Variants in SGCD observed in about 807,000 individuals in gnomAD.
SGCD encodes the protein sarcoglycan delta, also known as delta-sarcoglycan.
Under a neutral mutation model 36.6 loss-of-function variants are expected in SGCD, and 18 were observed. The observed-to-expected ratio is 0.49, with a 90% confidence interval of 0.34 to 0.73. The LOEUF (loss-of-function observed/expected upper bound fraction) is 0.73, where lower values mean the gene tolerates loss of function less well. Among genes scored for constraint, SGCD ranks in the 30% least tolerant of loss-of-function variants. The probability of loss-of-function intolerance (pLI) is 0.01; values close to 1 mark genes in which losing one functional copy is unlikely to be tolerated. For synonymous variants in SGCD, 133 were observed against 130.6 expected, an observed-to-expected ratio of 1.02 and a Z score of -0.12; for missense variants, 387 against 346.7, an observed-to-expected ratio of 1.12 and a Z score of -0.92.
chr5:156,163,409 TG>T (rs1282247639), intron 3 of SGCD, among the ~76,000 whole-genome samples: 1 of 151,512 alleles, frequency 6.6e-6, no homozygotes, highest in South Asian at 2.1e-4. Context: ...TGATGTACTT[TG>T]TCTCAAAGTC....
chr5:156,293,367 TG>T (rs1766810411), intron 3 of SGCD, among the ~76,000 whole-genome samples: 1 of 152,186 alleles, frequency 6.6e-6, no homozygotes, highest in Non-Finnish European at 1.5e-5. Flanking sequence ...CCTTTGCCTT[TG>T]GTGTCATATC....
chr5:156,279,283 T>G (rs575263888), intron 3 of SGCD, among the ~76,000 whole-genome samples: 2 of 152,278 alleles, frequency 1.3e-5, no homozygotes, highest in African/African-American at 4.8e-5. Context: ...ACTATAAAAT[T>G]TACATGTGAC....
the SGCD span, among the ~76,000 whole-genome samples, chr5:155,786,398 G>A: frequency 6.6e-6 from 1 of 152,112 alleles, no homozygotes; most frequent in Non-Finnish European, 1.5e-5. Context: ...CATCTCTTCT[G>A]CAGAAACATC....
At chr5:156,516,504 A>T (rs1014377595) in intron 4 of SGCD, among the ~76,000 whole-genome samples, 2 of 152,184 alleles carry the variant, frequency 1.3e-5, no homozygotes, top group Admixed American at 1.3e-4. Context: ...ACAAAACCCT[A>T]TCCAAAGGTC....
At chr5:156,022,108 A>G (rs1015601490) in intron 1 of SGCD, among the ~76,000 whole-genome samples, 1 of 152,142 alleles carries the variant, frequency 6.6e-6, no homozygotes, top group African/African-American at 2.4e-5. Flanking sequence ...TGAACATTTC[A>G]TATAAATAGT....
chr5:156,410,606 C>T (rs866984744), intron 3 of SGCD, among the ~76,000 whole-genome samples: 5 of 152,330 alleles, frequency 3.3e-5, no homozygotes, highest in African/African-American at 1.2e-4. Context: ...TAGCATAGTG[C>T]CTGCTACAGA....
At position 156,662,902 on chromosome 5, in the gene SGCD, C is replaced by A. The variant is rs889407589; in HGVS notation, c.575+15366C>A. Among the ~76,000 whole-genome samples the A allele has an allele frequency of 4.2e-4, 63 of 150,476 alleles. 1 individual carries two copies. The highest frequency in any genetic ancestry group is 3.5e-4 in the African/African-American group (14 of 40,044). On this transcript the variant is annotated intron_variant, in intron 7 of 8. Transcript: ENST00000337851. Reference sequence around the variant, plus strand: ...TGTTTTGGTAGCGGCCACTGATTTACCCACACCGGTTTTTCTGTTTTCCAA... The same window carrying A: ...TGTTTTGGTAGCGGCCACTGATTTAACCACACCGGTTTTTCTGTTTTCCAA...
intron 3 of SGCD, among the ~76,000 whole-genome samples, chr5:156,494,972 C>T (rs1484589625): frequency 2.0e-5 from 3 of 152,108 alleles, no homozygotes; most frequent in Non-Finnish European, 4.4e-5. Flanking sequence ...CTGCCTCATT[C>T]TTCTTTAGGG....
At chr5:155,774,054 C>T in the SGCD span, among the ~76,000 whole-genome samples, 22 of 152,240 alleles carry the variant, frequency 1.4e-4, no homozygotes, top group African/African-American at 4.8e-4. Context: ...CCTCCCCTCT[C>T]AAGGACCCAA....
At chr5:156,367,706 T>C (rs889447838) in intron 3 of SGCD, among the ~76,000 whole-genome samples, 13 of 152,186 alleles carry the variant, frequency 8.5e-5, no homozygotes, top group Non-Finnish European at 2.9e-5. Flanking sequence ...TGTGGAATGG[T>C]CCTAACCACA....
chr5:155,987,101 A>C (rs570262723), intron 1 of SGCD, among the ~76,000 whole-genome samples: 1 of 152,342 alleles, frequency 6.6e-6, no homozygotes, highest in African/African-American at 2.4e-5. Flanking sequence ...CTTGAATGAC[A>C]TTCAAGGAGA....
chr5:156,090,764 G>A (rs187145213), intron 1 of SGCD, among the ~76,000 whole-genome samples: 7 of 152,176 alleles, frequency 4.6e-5, no homozygotes, highest in Non-Finnish European at 7.4e-5. Context: ...CAGAGCTGTC[G>A]TTTATAGACC....
the SGCD span, among the ~76,000 whole-genome samples, chr5:155,823,729 T>G: frequency 6.6e-6 from 1 of 152,158 alleles, no homozygotes; most frequent in Admixed American, 6.5e-5. Flanking sequence ...TTGCTACAAG[T>G]TTAAATAGTA....
intron 4 of SGCD, among the ~76,000 whole-genome samples, chr5:156,585,823 T>C (rs1028198475): frequency 2.6e-5 from 4 of 152,156 alleles, no homozygotes; most frequent in Non-Finnish European, 5.9e-5. Flanking sequence ...AAACTCAAGA[T>C]CTTAGAATTT....
intron 1 of SGCD, among the ~76,000 whole-genome samples, chr5:155,993,981 T>C (rs1458570861): frequency 6.6e-6 from 1 of 152,080 alleles, no homozygotes; most frequent in Non-Finnish European, 1.5e-5. Context: ...CAAGGTCAGG[T>C]TGAAAAAGAG....
chr5:156,409,298 CTG>C (rs950504838), intron 3 of SGCD, among the ~76,000 whole-genome samples: 1 of 152,092 alleles, frequency 6.6e-6, no homozygotes, highest in African/African-American at 2.4e-5. Context: ...TCTTTGATGT[CTG>C]TGTAGCATTT....
chr5:156,415,718 G>A (rs1772995746), intron 3 of SGCD, among the ~76,000 whole-genome samples: 1 of 152,174 alleles, frequency 6.6e-6, no homozygotes, highest in Admixed American at 6.5e-5. Context: ...TCAATGGCCT[G>A]TCCTCTGCTT....
intron 1 of SGCD, among the ~76,000 whole-genome samples, chr5:155,921,408 C>T (rs1017455420): frequency 4.0e-5 from 6 of 151,504 alleles, no homozygotes; most frequent in East Asian, 1.9e-4. Flanking sequence ...GATGGGGGTA[C>T]GGTAGAGAAA....
intron 7 of SGCD, among the ~76,000 whole-genome samples, chr5:156,695,050 G>A (rs1392120905): frequency 6.6e-6 from 1 of 152,004 alleles, no homozygotes; most frequent in Non-Finnish European, 1.5e-5. Context: ...TGAGTTCAGA[G>A]AAATCTTTAG....
Sources: allele counts gnomAD v4.1 joint callset (sites outside exome capture counted in the v4.1 genomes callset), GRCh38; gene constraint gnomAD v4.1.1; transcripts MANE v1.5; gene names NCBI Gene and HGNC (gene_info 2026-07-23, HGNC 2026-07-21).